Variants in UNC80 observed in about 807,000 individuals in gnomAD.
UNC80 encodes protein unc-80 homolog.
In UNC80, 164 loss-of-function variants were observed where a neutral mutation model predicts 384.6. That is an observed-to-expected ratio of 0.43 (90% CI 0.38 to 0.49). The LOEUF is 0.49. Among genes scored for constraint, UNC80 ranks in the 20% least tolerant of loss-of-function variants. The pLI is 0.00. For synonymous variants in UNC80, 1,486 were observed against 1,527.8 expected, an observed-to-expected ratio of 0.97 and a Z score of 0.64; for missense variants, 3,330 against 4,143.0, an observed-to-expected ratio of 0.80 and a Z score of 5.39.
At chr2:209,865,850 GA>G (rs2083708378) in intron 22 of UNC80, among the ~76,000 whole-genome samples, 1 of 152,054 alleles carries the variant, frequency 6.6e-6, no homozygotes, top group African/African-American at 2.4e-5. Flanking sequence ...CAATTTAATT[GA>G]AAATCTCTTT....
In UNC80 at chr2:209,896,417, A is replaced by G; in HGVS notation, c.4581+4A>G. 4 of 1,550,760 alleles carry G rather than the reference A, an allele frequency of 2.6e-6. No individual in the cohort carries two copies. The highest frequency in any genetic ancestry group is 1.4e-5 in the African/African-American group (1 of 73,114). ...CAGAAACATGTCGTGGCTTCATGTA[A>G]GTAGGAATCTCAGAAACAGCCCTGA... On this transcript the variant is annotated splice_donor_region_variant and intron_variant, in intron 28 of 64. Transcript: ENST00000673920.
chr2:209,888,967 A>G (rs2086086042), intron 26 of UNC80, among the ~76,000 whole-genome samples: 1 of 152,188 alleles, frequency 6.6e-6, no homozygotes, highest in African/African-American at 2.4e-5. Context: ...TTTAAAAACT[A>G]CACCTCTGCT....
At chr2:209,978,459 C>A in intron 58 of UNC80, 70 bp from the exon 59 acceptor site, 1 of 1,319,422 alleles carries the variant, frequency 7.6e-7, no homozygotes. Context: ...TACAAGTGGT[C>A]AGGGAGGACT....
At chr2:209,787,461 G>A (rs1364078198) in intron 5 of UNC80, among the ~76,000 whole-genome samples, 1 of 152,120 alleles carries the variant, frequency 6.6e-6, no homozygotes, top group Non-Finnish European at 1.5e-5. Flanking sequence ...CTGTAAAATT[G>A]GCATAATAAT....
Position 209,976,432 on chromosome 2 carries a change from A to G in UNC80, c.8772+129A>G. 8.3e-7 allele frequency: 1 copy of G among 1,201,812 alleles called. No homozygotes were observed. Among genetic ancestry groups the G allele is most frequent in the Non-Finnish European group, 1.2e-6 (1 of 866,568 alleles). 74.4% of individuals were successfully genotyped at this position (1,201,812 alleles called of 1,614,324 possible). On this transcript the variant is annotated intron_variant, in intron 57 of 64. Transcript: ENST00000673920. This position sits in a 1 kb window ranked among gnomAD's most constrained non-coding sequence, Gnocchi z 4.3. The stretch of plus-strand genomic sequence containing the variant: ...CCAGTTAGTAGGGCCTGTTAATACC[A>G]TGCTTGATGAGAAAACCGCCCAAAA...
Position 209,926,984 on chromosome 2 carries a change from C to G in UNC80, c.5804C>G (p.Ala1935Gly), listed in dbSNP as rs1175320119. Residue 1935 changes from alanine (A) to glycine (G), a missense_variant and splice_region_variant, in exon 36 of 65, where the codon GCA (alanine) becomes GGA (glycine). Transcript: ENST00000673920. ...GGTGAGGTGCGGGAAGATGGAGTAG[C>G]AGGTACAGTTTTGAACAGTCAGATC... is the stretch of plus-strand genomic sequence containing the variant. ...EDGEVREDGV[A>G]VSAVAQQVLW... 6.4e-7 allele frequency: 1 copy of G among 1,551,600 alleles called. No individual in the cohort carries two copies. Among genetic ancestry groups the G allele is most frequent in the East Asian group, 2.4e-5 (1 of 40,914 alleles).
chr2:209,807,222 C>T lies in UNC80; in HGVS notation c.939-6358C>T, dbSNP rs183109915. On this transcript the variant is annotated intron_variant, in intron 7 of 64. Coordinates refer to ENST00000673920, the MANE Select transcript of UNC80 (RefSeq NM_001371986.1). Reference sequence around the variant, plus strand: ...TTTTCTTCATTATTTTTACATATATCATTTAGAAGAAAAGTTGTATTCATA... The same window carrying T: ...TTTTCTTCATTATTTTTACATATATTATTTAGAAGAAAAGTTGTATTCATA... 5.2e-3 allele frequency among the ~76,000 whole-genome samples: 790 copies of T among 152,132 alleles called. 10 individuals carry two copies. The highest frequency in any genetic ancestry group is 9.1e-3 in the South Asian group (44 of 4,814).
chr2:209,965,474 T>G (rs924470898), intron 51 of UNC80, among the ~76,000 whole-genome samples: 1 of 151,824 alleles, frequency 6.6e-6, no homozygotes, highest in Admixed American at 6.6e-5. Flanking sequence ...GTTTTTTGTT[T>G]TTTTTTTTTT....
chr2:209,777,834 T>C (rs1015269852), intron 4 of UNC80, among the ~76,000 whole-genome samples: 1 of 152,214 alleles, frequency 6.6e-6, no homozygotes, highest in African/African-American at 2.4e-5. Context: ...TCAAGCATGA[T>C]GTAGGGTTTA....
chr2:209,980,444 G>A (rs954504807), intron 59 of UNC80, among the ~76,000 whole-genome samples: 5 of 152,264 alleles, frequency 3.3e-5, no homozygotes, highest in South Asian at 2.1e-4. Context: ...GGCAGCAGGG[G>A]GACTGGGGAG....
chr2:209,861,712 C>T (rs889653905), intron 22 of UNC80, among the ~76,000 whole-genome samples: 2 of 152,122 alleles, frequency 1.3e-5, no homozygotes, highest in Non-Finnish European at 2.9e-5. Context: ...AATTTCAGAA[C>T]TTGTTATCGT....
In UNC80 at chr2:209,926,836, A is replaced by G; in HGVS notation, c.5663-7A>G. 1 of 1,551,834 alleles carries G rather than the reference A, an allele frequency of 6.4e-7. No homozygotes were observed. The highest frequency in any genetic ancestry group is 8.7e-7 in the Non-Finnish European group (1 of 1,146,954). ...GAAAAGCACCCTGATTTTGTCTCCCATTTTAGATGAGGAACATACCACTGA... is the reference window on the plus strand; with the variant it reads ...GAAAAGCACCCTGATTTTGTCTCCCGTTTTAGATGAGGAACATACCACTGA... On this transcript the variant is annotated splice_region_variant and splice_polypyrimidine_tract_variant and intron_variant, in intron 35 of 64. Transcript: ENST00000673920.
At position 209,997,319 on chromosome 2, in the gene UNC80, G is replaced by T. The variant is rs2093497988; in HGVS notation, c.*1724G>T. On this transcript the variant is annotated 3_prime_UTR_variant, in exon 65 of 65. Transcript: ENST00000673920. The stretch of plus-strand genomic sequence containing the variant: ...CAGTTAATGCTGAAATAATTCTCAA[G>T]TGCAGGAATATAAATGTTAAGTGGT... 5.9e-5 allele frequency: 9 copies of T among 152,062 alleles called. No homozygotes were observed. The South Asian group carries it at 1.9e-3, about 31-fold the overall frequency. 9.4% of individuals were successfully genotyped at this position (152,062 alleles called of 1,614,324 possible). A position where few individuals can be genotyped will look rare whatever the true frequency, so the allele number is the denominator to read the frequency against.
At chr2:209,849,311 G>A (rs1559194884) in intron 21 of UNC80, 140 bp from the exon 22 acceptor site, 1 of 823,580 alleles carries the variant, frequency 1.2e-6, no homozygotes, top group Non-Finnish European at 1.9e-6. Context: ...AGGGTGGAGA[G>A]CAAGGAAGTG....
intron 23 of UNC80, 83 bp downstream of exon 23, chr2:209,873,053 A>C (rs532765432): frequency 4.2e-4 from 556 of 1,324,844 alleles, no homozygotes; most frequent in Non-Finnish European, 5.5e-4. Flanking sequence ...TTTGTTTTGA[A>C]GACAATTTAT....
chr2:209,897,203 C>A (rs1027931029), intron 28 of UNC80, among the ~76,000 whole-genome samples: 1 of 152,070 alleles, frequency 6.6e-6, no homozygotes, highest in Admixed American at 6.5e-5. Flanking sequence ...CTCTAACCTA[C>A]CCACTGAAAA....
intron 41 of UNC80, 106 bp downstream of exon 41, chr2:209,937,039 G>A (rs2091295448): frequency 1.4e-6 from 1 of 725,974 alleles, no homozygotes; most frequent in East Asian, 2.7e-5. Flanking sequence ...GAAGGTAATA[G>A]TATGGCCACC....
Position 209,922,344 on chromosome 2 carries a change from G to A in UNC80, c.5623G>A (p.Gly1875Arg). Residue 1875 changes from glycine (G) to arginine (R), a missense_variant, in exon 35 of 65, where the codon GGG (glycine) becomes AGG (arginine). Coordinates refer to ENST00000673920, the MANE Select transcript of UNC80 (RefSeq NM_001371986.1). ...CCACAGGAATTATTCCTTCCGCCGC[G>A]GGTCAGTCTGGTCAGTGCGTTCAGC... Reference protein sequence around the residue: ...TSHRNYSFRRGSVWSVRSAVS... With the variant: ...TSHRNYSFRRRSVWSVRSAVS... The A allele has an allele frequency of 9.7e-6, 15 of 1,551,804 alleles. No homozygotes were observed. Among genetic ancestry groups the A allele is most frequent in the Non-Finnish European group, 1.3e-5 (15 of 1,146,986 alleles).
chr2:209,840,546 C>T lies in UNC80; in HGVS notation c.3255C>T (p.Asn1085=). The T allele has an allele frequency of 6.4e-7, 1 of 1,551,426 alleles. No homozygotes were observed. The highest frequency in any genetic ancestry group is 8.7e-7 in the Non-Finnish European group (1 of 1,146,708). The change falls in exon 20 of 65, where the codon AAC becomes AAT. Residue 1085 remains asparagine (N), a synonymous_variant. Coordinates refer to ENST00000673920, the MANE Select transcript of UNC80 (RefSeq NM_001371986.1). Reference sequence around the variant, plus strand: ...AGTGATTTAACTATTAAATAGGGAACTGGCTGAAGAGATCATCCCTCTCAG... The same window carrying T: ...AGTGATTTAACTATTAAATAGGGAATTGGCTGAAGAGATCATCCCTCTCAG... ...LRKKLKLPIG[N]WLKRSSLSGL...
Sources: allele counts gnomAD v4.1 joint callset (sites outside exome capture counted in the v4.1 genomes callset), GRCh38; gene constraint gnomAD v4.1.1; non-coding constraint Gnocchi (gnomAD v3.1); transcripts MANE v1.5; gene names NCBI Gene and HGNC (gene_info 2026-07-23, HGNC 2026-07-21).